Variants in NLGN1 observed in about 807,000 individuals in gnomAD.
The protein encoded by NLGN1 is neuroligin 1.
Under a neutral mutation model 65.5 loss-of-function variants are expected in NLGN1, and 12 were observed. That is an observed-to-expected ratio of 0.18 (90% CI 0.12 to 0.30). NLGN1 has a LOEUF of 0.30. NLGN1 is among the 10% of genes least tolerant of loss of function. The pLI, the probability that NLGN1 is intolerant of heterozygous loss-of-function variation, is 1.00. For synonymous variants in NLGN1, 350 were observed against 359.5 expected (o/e 0.97, Z 0.30); for missense variants, 750 against 1,007.1 (o/e 0.74, Z 3.46).
chr3:174,174,106 T>C (rs1050831219), intron 4 of NLGN1, among the ~76,000 whole-genome samples: 1 of 152,022 alleles, frequency 6.6e-6, no homozygotes, highest in Non-Finnish European at 1.5e-5. Context: ...GTTACTTCAC[T>C]TAGAATAATA....
chr3:173,643,343 C>T (rs1486472702), intron 3 of NLGN1, among the ~76,000 whole-genome samples: 1 of 152,028 alleles, frequency 6.6e-6, no homozygotes, highest in Non-Finnish European at 1.5e-5. Context: ...GCCCCAATCA[C>T]AAGAAACACA....
chr3:174,077,373 T>C (rs1741225840), intron 4 of NLGN1, among the ~76,000 whole-genome samples: 1 of 152,102 alleles, frequency 6.6e-6, no homozygotes, highest in South Asian at 2.1e-4. Flanking sequence ...GTGAAACAGC[T>C]CCACTAACTT....
At chr3:173,543,757 G>A (rs150394666) in intron 2 of NLGN1, among the ~76,000 whole-genome samples, 1 of 152,194 alleles carries the variant, frequency 6.6e-6, no homozygotes, top group African/African-American at 2.4e-5. Flanking sequence ...GTGCTAGTCA[G>A]TATAGTAGAA....
chr3:173,856,922 A>G (rs1233483547), intron 4 of NLGN1, among the ~76,000 whole-genome samples: 4 of 151,884 alleles, frequency 2.6e-5, no homozygotes, highest in African/African-American at 9.7e-5. Flanking sequence ...TAATATCACC[A>G]TTCTTCCATA....
intron 3 of NLGN1, among the ~76,000 whole-genome samples, chr3:173,754,489 T>G (rs1006845843): frequency 6.6e-6 from 1 of 152,268 alleles, no homozygotes; most frequent in Non-Finnish European, 1.5e-5. Flanking sequence ...ATCTAAAATA[T>G]TACTTAATTT....
chr3:173,742,827 G>A (rs1774854528), intron 3 of NLGN1, among the ~76,000 whole-genome samples: 1 of 151,990 alleles, frequency 6.6e-6, no homozygotes, highest in Non-Finnish European at 1.5e-5. Flanking sequence ...TTAGGGATGT[G>A]TTTCCATTGT....
intron 1 of NLGN1, among the ~76,000 whole-genome samples, chr3:173,419,325 G>A (rs1300713390): frequency 6.6e-6 from 1 of 150,606 alleles, no homozygotes; most frequent in Non-Finnish European, 1.5e-5. Context: ...TGGGTGAAGG[G>A]GGGATTATCT....
At chr3:173,911,795 C>T (rs1285251806) in intron 4 of NLGN1, among the ~76,000 whole-genome samples, 2 of 152,132 alleles carry the variant, frequency 1.3e-5, no homozygotes, top group Admixed American at 1.3e-4. Context: ...ATGAAAGCAT[C>T]CCTTTGTTTC....
chr3:174,066,517 TCTC>T (rs1738590890), intron 4 of NLGN1, among the ~76,000 whole-genome samples: 1 of 10,702 alleles, frequency 9.3e-5, no homozygotes, highest in Admixed American at 1.1e-3. Context: ...ATGGAACAAG[TCTC>T]TCTCTCTCTC....
chr3:173,643,306 C>G (rs1358561484), intron 3 of NLGN1, among the ~76,000 whole-genome samples: 1 of 152,110 alleles, frequency 6.6e-6, no homozygotes, highest in Non-Finnish European at 1.5e-5. Context: ...GAAAACTATA[C>G]ATCTATAGAT....
chr3:173,827,168 G>A (rs1443083538), intron 4 of NLGN1, among the ~76,000 whole-genome samples: 4 of 152,052 alleles, frequency 2.6e-5, no homozygotes, highest in Non-Finnish European at 5.9e-5. Context: ...TTCTTCTCTT[G>A]TAATTAGTTA....
At chr3:174,047,937 T>A (rs1252717604) in intron 4 of NLGN1, among the ~76,000 whole-genome samples, 2 of 152,066 alleles carry the variant, frequency 1.3e-5, no homozygotes, top group Non-Finnish European at 2.9e-5. Context: ...ATGGATGTTC[T>A]GCGATCTTAA....
chr3:173,604,574 A>G (rs777758342), exon 3 of NLGN1: 2 of 1,608,828 alleles, frequency 1.2e-6, no homozygotes, highest in East Asian at 4.5e-5. Context: ...CTGTAACCAG[A>G]CAACTAGACA....
intron 2 of NLGN1, among the ~76,000 whole-genome samples, chr3:173,454,454 A>G (rs904617858): frequency 4.6e-5 from 7 of 152,156 alleles, no homozygotes; most frequent in African/African-American, 1.7e-4. Flanking sequence ...TTTCTTTAGA[A>G]GAAAGCCTAC....
At chr3:173,515,417 TTCCTC>T (rs1179637120) in intron 2 of NLGN1, among the ~76,000 whole-genome samples, 6 of 152,156 alleles carry the variant, frequency 3.9e-5, no homozygotes, top group African/African-American at 9.6e-5. Flanking sequence ...TTGCAAAAGT[TTCCTC>T]TCATTATGTA....
intron 2 of NLGN1, among the ~76,000 whole-genome samples, chr3:173,563,159 A>T (rs1025930828): frequency 1.3e-5 from 2 of 152,220 alleles, no homozygotes; most frequent in Non-Finnish European, 2.9e-5. Context: ...AATTCCTGTT[A>T]GCTTACTGAT....
chr3:173,600,223 A>ACACACACACG (rs1166206429), intron 2 of NLGN1, among the ~76,000 whole-genome samples: 1 of 151,782 alleles, frequency 6.6e-6, no homozygotes, highest in Non-Finnish European at 1.5e-5. Flanking sequence ...ACACACACAC[A>ACACACACACG]CACGTGTATG....
chr3:173,498,085 G>C (rs1730334620), intron 2 of NLGN1, among the ~76,000 whole-genome samples: 1 of 151,514 alleles, frequency 6.6e-6, no homozygotes, highest in African/African-American at 2.4e-5. Flanking sequence ...TTAAGTTTTA[G>C]GGTACATGTG....
intron 2 of NLGN1, among the ~76,000 whole-genome samples, chr3:173,484,030 G>T (rs9845598): frequency 0.18 from 27,390 of 151,898 alleles, 2,633 homozygotes; most frequent in Middle Eastern, 0.26. Context: ...CAAACATCTT[G>T]TCGTAGATGT....
Sources: allele counts gnomAD v4.1 joint callset (sites outside exome capture counted in the v4.1 genomes callset), GRCh38; gene constraint gnomAD v4.1.1; transcripts MANE v1.5; gene names NCBI Gene and HGNC (gene_info 2026-07-23, HGNC 2026-07-21).